The following DENND1A variants were observed in gnomAD, a reference collection of about 807,000 sequenced individuals.
DENND1A encodes DENN domain containing 1A.
A neutral mutation model predicts 113.7 loss-of-function variants in DENND1A; 51 were observed. The observed-to-expected ratio is 0.45, with a 90% CI of 0.36 to 0.57. DENND1A has a LOEUF of 0.57. Among genes scored for constraint, DENND1A ranks in the 20% least tolerant of loss-of-function variants. The pLI is 0.00. For missense variants in DENND1A, 1,258 were observed against 1,395.9 expected, an observed-to-expected ratio of 0.90 and a Z score of 1.57; for synonymous variants, 565 against 570.8, an observed-to-expected ratio of 0.99 and a Z score of 0.14.
chr9:123,801,588 T>G (rs140346775), intron 2 of DENND1A, among the ~76,000 whole-genome samples: 1 of 152,242 alleles, frequency 6.6e-6, no homozygotes, highest in African/African-American at 2.4e-5. Context: ...TGAACATGCA[T>G]GTGCAAATGT....
At chr9:123,420,371 TGA>T (rs1265438194) in intron 19 of DENND1A, among the ~76,000 whole-genome samples, 1 of 152,122 alleles carries the variant, frequency 6.6e-6, no homozygotes, top group African/African-American at 2.4e-5. Context: ...GACTCCACAG[TGA>T]GGTTTCTGGG....
At chr9:123,660,073 G>A (rs975528350) in intron 8 of DENND1A, among the ~76,000 whole-genome samples, 14 of 152,068 alleles carry the variant, frequency 9.2e-5, no homozygotes, top group African/African-American at 3.4e-4. Flanking sequence ...GAGGCAGTGG[G>A]GTACAACAGG....
Position 123,898,060 on chromosome 9 carries a change from C to T in DENND1A, c.18-19039G>A, listed in dbSNP as rs551863936. 1.5e-3 allele frequency among the ~76,000 whole-genome samples: 221 copies of T among 151,996 alleles called. 2 individuals carry two copies. The highest frequency in any genetic ancestry group is 5.1e-3 in the African/African-American group (210 of 41,456). ...AGGTAGGGTCTCAAAGTCCTGTATC[C>T]TTGAGCAATCCTCCCACCTAAGTGT... On this transcript the variant is annotated intron_variant, in intron 1 of 23. Coordinates refer to ENST00000394215, the MANE Select transcript of DENND1A (RefSeq NM_001352964.2).
chr9:123,507,040 T>G (rs766443556), intron 13 of DENND1A, among the ~76,000 whole-genome samples: 12 of 152,026 alleles, frequency 7.9e-5, no homozygotes, highest in Non-Finnish European at 1.6e-4. Context: ...AATACAAAAA[T>G]TAGCTGGGCA....
chr9:123,506,821 T>C (rs2052993745), intron 13 of DENND1A, among the ~76,000 whole-genome samples: 1 of 152,068 alleles, frequency 6.6e-6, no homozygotes, highest in Admixed American at 6.6e-5. Context: ...AGATGTTGCT[T>C]TGAGGGCAAA....
At chr9:123,396,403 G>A (rs1204110553) in intron 21 of DENND1A, among the ~76,000 whole-genome samples, 2 of 152,238 alleles carry the variant, frequency 1.3e-5, no homozygotes, top group Admixed American at 6.5e-5. Context: ...TGTGCAGGAG[G>A]GAAAGTGCTC....
intron 19 of DENND1A, among the ~76,000 whole-genome samples, chr9:123,438,896 G>A (rs997678178): frequency 1.3e-5 from 2 of 152,018 alleles, no homozygotes; most frequent in African/African-American, 2.4e-5. Context: ...TTTGTGTTTC[G>A]AAAATGGAAT....
chr9:123,530,830 G>C (rs2055234958), intron 13 of DENND1A, among the ~76,000 whole-genome samples: 1 of 152,006 alleles, frequency 6.6e-6, no homozygotes, highest in Admixed American at 6.6e-5. Context: ...TTACAAATTA[G>C]CCACATTAAG....
intron 11 of DENND1A, among the ~76,000 whole-genome samples, chr9:123,607,841 T>C (rs752769462): frequency 1.3e-5 from 2 of 151,616 alleles, no homozygotes; most frequent in Non-Finnish European, 2.9e-5. Flanking sequence ...AAAAGGAATC[T>C]GAAAAAGCCT....
At chr9:123,451,058 C>CAGAGTA (rs1564513052) in intron 17 of DENND1A, among the ~76,000 whole-genome samples, 4 of 152,074 alleles carry the variant, frequency 2.6e-5, no homozygotes, top group African/African-American at 9.7e-5. Flanking sequence ...GTGACAGCTA[C>CAGAGTA]CAGTAAGAGT....
chr9:123,636,888 G>A (rs1376508068), intron 9 of DENND1A, among the ~76,000 whole-genome samples: 1 of 151,868 alleles, frequency 6.6e-6, no homozygotes, highest in Non-Finnish European at 1.5e-5. Flanking sequence ...TAGAGATGGG[G>A]TTTCTCCATG....
intron 13 of DENND1A, among the ~76,000 whole-genome samples, chr9:123,504,162 T>C (rs898607378): frequency 1.3e-5 from 2 of 152,192 alleles, no homozygotes; most frequent in African/African-American, 4.8e-5. Flanking sequence ...GTGCCGTCTA[T>C]TCTTGAGCAT....
At chr9:123,672,017 G>A (rs1405199861) in intron 6 of DENND1A, among the ~76,000 whole-genome samples, 1 of 152,152 alleles carries the variant, frequency 6.6e-6, no homozygotes, top group Non-Finnish European at 1.5e-5. Flanking sequence ...CCCACCATGT[G>A]GAATTCTTTG....
chr9:123,572,466 T>C (rs1453672727), intron 12 of DENND1A, among the ~76,000 whole-genome samples: 1 of 152,200 alleles, frequency 6.6e-6, no homozygotes, highest in East Asian at 1.9e-4. Flanking sequence ...AGTAAACATA[T>C]GTTTAAAATA....
intron 13 of DENND1A, among the ~76,000 whole-genome samples, chr9:123,500,400 T>C (rs12338471): frequency 0.1 from 15,571 of 152,288 alleles, 803 homozygotes; most frequent in South Asian, 0.13. Context: ...GATTTCAAGC[T>C]GTCAATGTGT....
chr9:123,665,952 C>G (rs768022387), intron 8 of DENND1A, among the ~76,000 whole-genome samples: 27 of 152,094 alleles, frequency 1.8e-4, no homozygotes, highest in Non-Finnish European at 3.5e-4. Context: ...TAACTCAGAA[C>G]AAAAGGACAA....
intron 13 of DENND1A, among the ~76,000 whole-genome samples, chr9:123,498,153 G>C (rs1435505923): frequency 6.6e-6 from 1 of 152,214 alleles, no homozygotes; most frequent in Non-Finnish European, 1.5e-5. Context: ...TAATTATAAA[G>C]AAGAGTTCTG....
intron 2 of DENND1A, among the ~76,000 whole-genome samples, chr9:123,875,989 C>G (rs1477834944): frequency 6.6e-6 from 1 of 152,192 alleles, no homozygotes; most frequent in African/African-American, 2.4e-5. Flanking sequence ...CATGGTTACT[C>G]AATTTATACT....
At chr9:123,660,182 C>T (rs1468513772) in intron 8 of DENND1A, among the ~76,000 whole-genome samples, 1 of 152,140 alleles carries the variant, frequency 6.6e-6, no homozygotes, top group East Asian at 1.9e-4. Flanking sequence ...AAACGGGGCT[C>T]AGGTCTACCC....
Sources: allele counts gnomAD v4.1 joint callset (sites outside exome capture counted in the v4.1 genomes callset), GRCh38; gene constraint gnomAD v4.1.1; transcripts MANE v1.5; gene names NCBI Gene and HGNC (gene_info 2026-07-23, HGNC 2026-07-21).